Variants in LAMB1 observed in about 807,000 individuals in gnomAD.
The protein encoded by LAMB1 is laminin subunit beta-1.
A neutral mutation model predicts 222.3 loss-of-function variants in LAMB1; 121 were observed. The observed-to-expected ratio is 0.54, with a 90% CI of 0.47 to 0.63. The LOEUF (loss-of-function observed/expected upper bound fraction) is 0.63. LAMB1 is among the 30% of genes least tolerant of loss of function. The pLI is 0.00. For synonymous variants in LAMB1, 794 were observed against 807.2 expected (o/e 0.98, Z 0.28); for missense variants, 2,172 against 2,240.8 (o/e 0.97, Z 0.62).
chr7:107,990,052 T>G (rs2034153165), intron 5 of LAMB1, among the ~76,000 whole-genome samples: 1 of 152,146 alleles, frequency 6.6e-6, no homozygotes, highest in Admixed American at 6.5e-5. Context: ...TTTGTTTTGT[T>G]TTTTGAGATA....
chr7:107,995,956 G>T (rs1411296702), intron 4 of LAMB1, among the ~76,000 whole-genome samples: 2 of 152,238 alleles, frequency 1.3e-5, no homozygotes, highest in South Asian at 2.1e-4. Context: ...GGGGCGGGGG[G>T]TGAGGAAAGT....
rs1283912030 is a variant in LAMB1 at position 107,937,363 on chromosome 7, C to T, written c.3762-86G>A. 3.9e-6 allele frequency: 4 copies of T among 1,018,774 alleles called. No homozygotes were observed. The Admixed American group carries it at 8.6e-5, about 22-fold the overall frequency. The allele number at this position is 1,018,774 out of a possible 1,614,324, so 63.1% of individuals were successfully genotyped here. A position where few individuals can be genotyped will look rare whatever the true frequency, so the allele number is the denominator to read the frequency against. On this transcript the variant is annotated intron_variant, in intron 25 of 33. Transcript: ENST00000222399. Reference sequence around the variant, plus strand: ...TCATATTTTCTACTAGTACTGTATCCATTACTAATTTCAAACCAATTCAGT... The same window carrying T: ...TCATATTTTCTACTAGTACTGTATCTATTACTAATTTCAAACCAATTCAGT...
At chr7:108,001,958 G>C (rs2034396481) in intron 2 of LAMB1, 1 of 1,452,858 alleles carries the variant, frequency 6.9e-7, no homozygotes, top group Non-Finnish European at 9.1e-7. Flanking sequence ...CACGTCATCA[G>C]GTCTGTCCAG....
rs182693911 is a variant in LAMB1, at chr7:107,939,647, T to C, written c.3761+342A>G. ...ATTGAGTCATCCAAGTTCACAAGCCTAGCATCAGAGCCAAGACTCAATTAT... is the reference window on the plus strand; with the variant it reads ...ATTGAGTCATCCAAGTTCACAAGCCCAGCATCAGAGCCAAGACTCAATTAT... On this transcript the variant is annotated intron_variant, in intron 25 of 33. Coordinates refer to ENST00000222399, the MANE Select transcript of LAMB1 (RefSeq NM_002291.3). 1.5e-3 allele frequency among the ~76,000 whole-genome samples: 230 copies of C among 152,298 alleles called. 1 individual carries two copies. The highest frequency in any genetic ancestry group is 5.2e-3 in the African/African-American group (218 of 41,562).
chr7:107,959,772 G>A lies in LAMB1; in HGVS notation c.2377C>T (p.Gln793Ter). ...SVCDPNGGQC[Q>*]CRPNVVGRTC... ...CTTCCAACCACGTTGGGCCGGCACT[G>A]GCACTGGCCTCCGTTGGGATCACAC... Residue 793 changes from glutamine (Q) to a stop codon, truncating the protein, a stop_gained, in exon 19 of 34, where the codon CAG (glutamine) becomes TAG (stop). Transcript: ENST00000222399. LOFTEE classifies it high-confidence loss of function. 6.2e-7 allele frequency: 1 copy of A among 1,614,140 alleles called. No homozygotes were observed. Among genetic ancestry groups the A allele is most frequent in the Non-Finnish European group, 8.5e-7 (1 of 1,180,012 alleles).
chr7:107,931,508 T>C lies in LAMB1; in HGVS notation c.4393-8A>G, dbSNP rs765494481. The stretch of plus-strand genomic sequence containing the variant: ...CAGTTTTGCTTCAGAGACCTAAATA[T>C]GAAGAATAAATTACCCAGGGAAGAC... On this transcript the variant is annotated splice_polypyrimidine_tract_variant and splice_region_variant and intron_variant, in intron 28 of 33. Coordinates refer to ENST00000222399, the MANE Select transcript of LAMB1 (RefSeq NM_002291.3). The C allele has an allele frequency of 1.2e-6, 2 of 1,611,748 alleles. No homozygotes were observed. The highest frequency in any genetic ancestry group is 2.2e-5 in the East Asian group (1 of 44,828).
intron 12 of LAMB1, 133 bp downstream of exon 12, chr7:107,974,853 T>A: frequency 1.6e-6 from 1 of 608,192 alleles, no homozygotes; most frequent in South Asian, 2.1e-5. Context: ...TCCTATTGTG[T>A]GCATTGTCTA....
intron 12 of LAMB1, 24 bp from the exon 13 acceptor site, chr7:107,973,095 G>GT (rs2033782514): frequency 6.3e-7 from 1 of 1,588,620 alleles, no homozygotes; most frequent in South Asian, 1.1e-5. Flanking sequence ...CGTGAAACAT[G>GT]TAACGGTAGG....
At chr7:107,994,027 A>G (rs2034235529) in intron 5 of LAMB1, among the ~76,000 whole-genome samples, 1 of 152,234 alleles carries the variant, frequency 6.6e-6, no homozygotes, top group Non-Finnish European at 1.5e-5. Flanking sequence ...ACCCGCCCAC[A>G]TGGTAAATCT....
In LAMB1 at chr7:108,003,117, A is replaced by G. The variant is rs1235727829; in HGVS notation, c.-93T>C. Reference sequence around the variant, plus strand: ...GCCACTTTGTTCTCCTCACCCGGCGACGCGAGCTCTCGCCCTGCTCCGGGA... The same window carrying G: ...GCCACTTTGTTCTCCTCACCCGGCGGCGCGAGCTCTCGCCCTGCTCCGGGA... On this transcript the variant is annotated 5_prime_UTR_variant, in exon 1 of 34. Coordinates refer to ENST00000222399, the MANE Select transcript of LAMB1 (RefSeq NM_002291.3). The G allele has an allele frequency of 1.1e-6, 1 of 874,142 alleles. No homozygotes were observed. The highest frequency in any genetic ancestry group is 2.9e-5 in the East Asian group (1 of 34,456). 54.1% of individuals were successfully genotyped at this position (874,142 alleles called of 1,614,324 possible). A position where few individuals can be genotyped will look rare whatever the true frequency, so the allele number is the denominator to read the frequency against.
intron 24 of LAMB1, 36 bp downstream of exon 24, chr7:107,951,190 T>G: frequency 6.6e-7 from 1 of 1,521,140 alleles, no homozygotes; most frequent in South Asian, 1.1e-5. Flanking sequence ...CCCTCCACTC[T>G]CTGATCAAGT....
intron 24 of LAMB1, among the ~76,000 whole-genome samples, chr7:107,948,593 G>A (rs780858044): frequency 6.6e-6 from 1 of 152,078 alleles, no homozygotes; most frequent in African/African-American, 2.4e-5. Context: ...TTAGGGTCAC[G>A]AATACGAATG....
At chr7:107,997,135 A>G (rs2034294805) in intron 4 of LAMB1, among the ~76,000 whole-genome samples, 1 of 152,234 alleles carries the variant, frequency 6.6e-6, no homozygotes, top group Non-Finnish European at 1.5e-5. Flanking sequence ...GCAATTTAAC[A>G]GTCGATGGCT....
chr7:107,978,384 T>C (rs1047540001), intron 8 of LAMB1, among the ~76,000 whole-genome samples: 3 of 151,010 alleles, frequency 2.0e-5, no homozygotes, highest in African/African-American at 7.3e-5. Context: ...TCCTATTACA[T>C]AGTGGATGCA....
rs779956103 is a variant in LAMB1 at position 107,963,099 on chromosome 7, G to A, written c.1699-36C>T. ...GGCAAACAATGGTTATTCTGTATTT[G>A]AAATGGAATTCAATAATTTTCAATA... On this transcript the variant is annotated intron_variant, in intron 14 of 33. Transcript: ENST00000222399. 4 of 1,516,034 alleles carry A rather than the reference G, an allele frequency of 2.6e-6. No homozygotes were observed. In the African/African-American group the frequency reaches 5.5e-5, roughly 21 times the overall value. The allele number at this position is 1,516,034 out of a possible 1,614,324, so 93.9% of individuals were successfully genotyped here.
intron 17 of LAMB1, 152 bp downstream of exon 17, chr7:107,961,054 G>A: frequency 1.3e-6 from 1 of 782,484 alleles, no homozygotes; most frequent in Non-Finnish European, 2.0e-6. Flanking sequence ...CTTTCCATGG[G>A]GTGGAGTATA....
intron 13 of LAMB1, among the ~76,000 whole-genome samples, chr7:107,966,448 A>C (rs1334341980): frequency 6.6e-6 from 1 of 151,992 alleles, no homozygotes; most frequent in African/African-American, 2.4e-5. Context: ...TGACCTCGTG[A>C]TCCATCTGCT....
intron 13 of LAMB1, among the ~76,000 whole-genome samples, chr7:107,972,404 A>G (rs1458525279): frequency 1.3e-5 from 2 of 152,178 alleles, no homozygotes; most frequent in African/African-American, 4.8e-5. Context: ...CTGAGCCAGG[A>G]ACAGAGACCA....
intron 15 of LAMB1, 55 bp from the exon 16 acceptor site, chr7:107,961,731 A>G: frequency 6.4e-7 from 1 of 1,569,544 alleles, no homozygotes. Context: ...GCCTGTTTAT[A>G]AAAAGACCTC....
Sources: gnomAD v4.1 joint callset for allele counts (sites outside exome capture counted in the v4.1 genomes callset) on GRCh38, gnomAD v4.1.1 for gene constraint, MANE v1.5 for transcripts, NCBI Gene and HGNC (gene_info 2026-07-23, HGNC 2026-07-21) for gene names.